RFX7: variants seen among roughly 807,000 people sequenced by gnomAD.
The protein encoded by RFX7 is regulatory factor X7.
A neutral mutation model predicts 111.8 loss-of-function variants in RFX7; 26 were observed. The observed-to-expected ratio is 0.23, with a 90% confidence interval of 0.17 to 0.32. RFX7 has a LOEUF of 0.32. Among genes scored for constraint, RFX7 ranks in the 10% least tolerant of loss-of-function variants. The probability of loss-of-function intolerance (pLI) is 1.00; values close to 1 mark genes in which losing one functional copy is unlikely to be tolerated. For missense variants in RFX7, 1,573 were observed against 1,772.9 expected, an observed-to-expected ratio of 0.89 and a Z score of 2.02; for synonymous variants, 624 against 624.4, an observed-to-expected ratio of 1.00 and a Z score of 0.01.
intron 2 of RFX7, among the ~76,000 whole-genome samples, chr15:56,182,736 A>G (rs907131872): frequency 1.2e-4 from 19 of 152,294 alleles, no homozygotes; most frequent in East Asian, 5.8e-4. Context: ...TTATTCATCT[A>G]TTCCTCTACT....
chr15:56,181,473 G>C (rs536449943), intron 2 of RFX7, among the ~76,000 whole-genome samples: 18 of 152,142 alleles, frequency 1.2e-4, no homozygotes, highest in Non-Finnish European at 2.4e-4. Flanking sequence ...TCCTTGACTA[G>C]AATTTAAGCT....
At chr15:56,155,373 ATCAATGAT>A (rs1448333047) in intron 3 of RFX7, among the ~76,000 whole-genome samples, 1 of 152,214 alleles carries the variant, frequency 6.6e-6, no homozygotes, top group Non-Finnish European at 1.5e-5. Context: ...CCAAATGTCT[ATCAATGAT>A]AGACTGGATT....
chr15:56,126,906 ACAGT>A (rs1173533948), intron 5 of RFX7, among the ~76,000 whole-genome samples: 3 of 152,178 alleles, frequency 2.0e-5, no homozygotes, highest in African/African-American at 7.2e-5. Context: ...TTCAGCAATA[ACAGT>A]CAGAGACTTC....
At chr15:56,183,723 C>T (rs1258374865) in intron 2 of RFX7, among the ~76,000 whole-genome samples, 16 of 152,196 alleles carry the variant, frequency 1.1e-4, no homozygotes, top group Admixed American at 5.9e-4. Context: ...ATTTTTCAAT[C>T]GGGTTTTCTA....
chr15:56,169,700 C>CTTTTTTTTTTTTTTTT (rs35597885), intron 3 of RFX7, among the ~76,000 whole-genome samples: 1 of 96,870 alleles, frequency 1.0e-5, no homozygotes, highest in Admixed American at 1.2e-4. Context: ...CTAGTCAGTT[C>CTTTTTTTTTTTTTTTT]TTTTTTTTTT....
At chr15:56,113,897 T>C (rs1236701205) in intron 5 of RFX7, among the ~76,000 whole-genome samples, 3 of 152,156 alleles carry the variant, frequency 2.0e-5, no homozygotes, top group African/African-American at 7.2e-5. Flanking sequence ...CATGGTAGAA[T>C]TACATTGCCT....
At chr15:56,179,187 A>C in intron 3 of RFX7, 83 bp downstream of exon 3, 1 of 621,982 alleles carries the variant, frequency 1.6e-6, no homozygotes. Flanking sequence ...ATTTAAAATC[A>C]ATATTTACTT....
intron 5 of RFX7, among the ~76,000 whole-genome samples, chr15:56,115,918 G>A (rs1202755058): frequency 6.6e-6 from 1 of 151,448 alleles, no homozygotes; most frequent in Non-Finnish European, 1.5e-5. Context: ...CTCCAGCCTG[G>A]GCCAACAGAG....
chr15:56,172,585 A>C (rs1250380634), intron 3 of RFX7, among the ~76,000 whole-genome samples: 1 of 152,158 alleles, frequency 6.6e-6, no homozygotes, highest in Non-Finnish European at 1.5e-5. Context: ...GGGAAAGAAG[A>C]CAAGAACAGG....
chr15:56,219,694 C>T (rs1219056177), intron 2 of RFX7, among the ~76,000 whole-genome samples: 1 of 152,130 alleles, frequency 6.6e-6, no homozygotes, highest in Non-Finnish European at 1.5e-5. Flanking sequence ...AGGACATAAT[C>T]TCATTCTTTA....
chr15:56,143,147 T>A (rs1160922759), intron 4 of RFX7, among the ~76,000 whole-genome samples: 2 of 152,130 alleles, frequency 1.3e-5, no homozygotes, highest in African/African-American at 4.8e-5. Context: ...GACAAAGTAT[T>A]TGTTTTGGTC....
chr15:56,098,497 A>C (rs936715855), intron 8 of RFX7, 121 bp from the exon 9 acceptor site: 7 of 923,084 alleles, frequency 7.6e-6, no homozygotes, highest in Non-Finnish European at 1.1e-5. Flanking sequence ...GGCAAATTTT[A>C]ACTCACAATT....
intron 4 of RFX7, 68 bp from the exon 5 acceptor site, chr15:56,142,968 A>G (rs1595961402): frequency 6.4e-7 from 1 of 1,556,490 alleles, no homozygotes; most frequent in East Asian, 2.3e-5. Flanking sequence ...AGCTAGGCCT[A>G]AATGTTCCAC....
chr15:56,178,647 T>G (rs575040176), intron 3 of RFX7, among the ~76,000 whole-genome samples: 1 of 152,284 alleles, frequency 6.6e-6, no homozygotes, highest in South Asian at 2.1e-4. Context: ...GATGTCCCAG[T>G]AGCTGCAATG....
chr15:56,096,150 G>A lies in RFX7; in HGVS notation c.1578C>T (p.Ser526=). 1.9e-6 allele frequency: 3 copies of A among 1,613,916 alleles called. No homozygotes were observed. The highest frequency in any genetic ancestry group is 2.5e-6 in the Non-Finnish European group (3 of 1,179,856). The stretch of plus-strand genomic sequence containing the variant: ...CAGCAGATGTTCCCCCCGCACTGCT[G>A]CTCCTGGACCCAGGAGACTGAAGCG... The part of the protein sequence containing the change: ...VVSLQSPGSR[S]SSAGGTSAVE... Residue 526 remains serine (S), a synonymous_variant, in exon 10 of 10, where the codon AGC becomes AGT. Coordinates refer to ENST00000559447, the MANE Select transcript of RFX7 (RefSeq NM_022841.7).
chr15:56,097,683 G>A (rs1260810945), intron 9 of RFX7, among the ~76,000 whole-genome samples: 4 of 133,878 alleles, frequency 3.0e-5, no homozygotes, highest in East Asian at 2.4e-4. Flanking sequence ...GGAGGTGGAG[G>A]TTGCAGTGAG....
intron 3 of RFX7, among the ~76,000 whole-genome samples, chr15:56,178,042 T>A (rs1357243807): frequency 1.3e-5 from 2 of 151,898 alleles, no homozygotes; most frequent in African/African-American, 4.8e-5. Context: ...GTCCAATAAT[T>A]TTAATAATTT....
intron 5 of RFX7, among the ~76,000 whole-genome samples, chr15:56,141,963 A>G (rs1411665271): frequency 3.9e-5 from 6 of 152,038 alleles, no homozygotes; most frequent in South Asian, 4.1e-4. Flanking sequence ...ATAGATACCA[A>G]TAATCTCAAT....
chr15:56,098,074 A>G lies in RFX7; in HGVS notation c.1107+7T>C, dbSNP rs1356203824. On this transcript the variant is annotated splice_region_variant and intron_variant, in intron 9 of 9. Coordinates refer to ENST00000559447, the MANE Select transcript of RFX7 (RefSeq NM_022841.7). ...CAATAAGGCCAAATACTATTTAATT[A>G]TATTACCGGAATGGGACTAGGGACA... 6.2e-7 allele frequency: 1 copy of G among 1,610,980 alleles called. No individual in the cohort carries two copies.
Sources: allele counts gnomAD v4.1 joint callset (sites outside exome capture counted in the v4.1 genomes callset), GRCh38; gene constraint gnomAD v4.1.1; transcripts MANE v1.5; gene names NCBI Gene and HGNC (gene_info 2026-07-23, HGNC 2026-07-21).